Variants in SNTG1 observed in about 807,000 individuals in gnomAD.
SNTG1 encodes syntrophin gamma 1.
SNTG1 carries 39 observed loss-of-function variants against 74.7 expected under a neutral mutation model. The observed-to-expected ratio is 0.52, with a 90% confidence interval of 0.40 to 0.68. SNTG1 has a LOEUF of 0.68. Among genes scored for constraint, SNTG1 ranks in the 30% least tolerant of loss-of-function variants. The pLI, the probability that SNTG1 is intolerant of heterozygous loss-of-function variation, is 0.00. For synonymous variants in SNTG1, 254 were observed against 217.1 expected (o/e 1.17, Z -1.49); for missense variants, 685 against 609.5 (o/e 1.12, Z -1.30).
At chr8:50,779,769 C>A (rs2095653118) in intron 18 of SNTG1, among the ~76,000 whole-genome samples, 1 of 151,450 alleles carries the variant, frequency 6.6e-6, no homozygotes, top group South Asian at 2.1e-4. Flanking sequence ...AGAGGGCATC[C>A]TGTCTTGTGC....
intron 15 of SNTG1, among the ~76,000 whole-genome samples, chr8:50,686,450 T>G (rs1437753805): frequency 6.6e-6 from 1 of 152,186 alleles, no homozygotes; most frequent in Non-Finnish European, 1.5e-5. Flanking sequence ...TTGAAGAATA[T>G]GTCAATTTAT....
chr8:50,089,474 A>T (rs969780296), intron 1 of SNTG1, among the ~76,000 whole-genome samples: 109 of 151,924 alleles, frequency 7.2e-4, no homozygotes, highest in Non-Finnish European at 1.1e-3. Flanking sequence ...CAGGCAACCT[A>T]CAAAATGGGA....
At chr8:50,729,607 T>C (rs1287239002) in intron 17 of SNTG1, among the ~76,000 whole-genome samples, 2 of 152,054 alleles carry the variant, frequency 1.3e-5, no homozygotes, top group African/African-American at 2.4e-5. Context: ...TTTGCCTTTG[T>C]ATTGAGAACT....
chr8:50,269,622 C>T (rs2087669854), intron 2 of SNTG1, among the ~76,000 whole-genome samples: 1 of 152,126 alleles, frequency 6.6e-6, no homozygotes, highest in Non-Finnish European at 1.5e-5. Context: ...GTATGGTACT[C>T]ACATTGGTAC....
intron 18 of SNTG1, among the ~76,000 whole-genome samples, chr8:50,781,905 G>A (rs1179618779): frequency 6.6e-6 from 1 of 152,102 alleles, no homozygotes; most frequent in Non-Finnish European, 1.5e-5. Context: ...GCCTGGTGGT[G>A]ACAAAATCTC....
chr8:50,692,665 G>T (rs927892248), intron 15 of SNTG1, among the ~76,000 whole-genome samples: 10 of 152,166 alleles, frequency 6.6e-5, no homozygotes, highest in African/African-American at 2.2e-4. Context: ...ACCCTACTGG[G>T]GGGTGCCTCC....
At chr8:50,285,325 T>C (rs1453522818) in intron 2 of SNTG1, among the ~76,000 whole-genome samples, 1 of 152,168 alleles carries the variant, frequency 6.6e-6, no homozygotes, top group African/African-American at 2.4e-5. Flanking sequence ...ATTAAATACA[T>C]TATTTGCTAG....
intron 2 of SNTG1, among the ~76,000 whole-genome samples, chr8:50,369,660 G>A (rs1377545718): frequency 1.3e-5 from 2 of 151,248 alleles, no homozygotes; most frequent in Non-Finnish European, 2.9e-5. Flanking sequence ...ACCAAGTGAG[G>A]ACACAGCCAG....
intron 1 of SNTG1, among the ~76,000 whole-genome samples, chr8:49,991,380 T>G (rs1813673162): frequency 6.6e-6 from 1 of 152,176 alleles, no homozygotes; most frequent in South Asian, 2.1e-4. Context: ...GAAAACACTC[T>G]GGCCGTTCAT....
At chr8:50,726,405 C>T (rs1472587822) in intron 17 of SNTG1, among the ~76,000 whole-genome samples, 5 of 151,962 alleles carry the variant, frequency 3.3e-5, no homozygotes, top group Non-Finnish European at 4.4e-5. Flanking sequence ...ATGAACTGGC[C>T]GAAGTTGGGG....
intron 15 of SNTG1, among the ~76,000 whole-genome samples, chr8:50,683,074 C>G (rs2095337528): frequency 6.6e-6 from 1 of 152,118 alleles, no homozygotes; most frequent in Non-Finnish European, 1.5e-5. Flanking sequence ...TGGTCCCACT[C>G]AAACCAAAGC....
chr8:50,579,398 G>T (rs1207680203), intron 12 of SNTG1, among the ~76,000 whole-genome samples: 1 of 152,216 alleles, frequency 6.6e-6, no homozygotes, highest in African/African-American at 2.4e-5. Context: ...TTTCTAGGGT[G>T]ACATTCAAGT....
chr8:50,312,790 G>C (rs2090165918), intron 2 of SNTG1, among the ~76,000 whole-genome samples: 1 of 149,788 alleles, frequency 6.7e-6, no homozygotes, highest in South Asian at 2.2e-4. Flanking sequence ...CAACTATAAG[G>C]TTCTTCACTG....
At chr8:50,411,849 G>T (rs766976581) in intron 4 of SNTG1, among the ~76,000 whole-genome samples, 2 of 152,122 alleles carry the variant, frequency 1.3e-5, no homozygotes, top group Non-Finnish European at 2.9e-5. Context: ...GGTGGTGGCC[G>T]CAGTGGGATT....
At chr8:50,687,624 C>G (rs144274615) in intron 15 of SNTG1, among the ~76,000 whole-genome samples, 9,660 of 152,200 alleles carry the variant, frequency 0.063, 376 homozygotes, top group South Asian at 0.17. Flanking sequence ...ACAACGTGCA[C>G]GTTTGTTACA....
chr8:50,365,962 C>T (rs1353079147), intron 2 of SNTG1, among the ~76,000 whole-genome samples: 1 of 152,158 alleles, frequency 6.6e-6, no homozygotes, highest in Non-Finnish European at 1.5e-5. Flanking sequence ...CTAACCATTT[C>T]CTACTTTTCT....
intron 13 of SNTG1, among the ~76,000 whole-genome samples, chr8:50,599,615 T>G (rs1174662697): frequency 6.6e-6 from 1 of 152,098 alleles, no homozygotes; most frequent in African/African-American, 2.4e-5. Context: ...GGTTACAGTT[T>G]TGATTTCATT....
intron 2 of SNTG1, among the ~76,000 whole-genome samples, chr8:50,186,960 G>A (rs893058467): frequency 6.6e-6 from 1 of 151,958 alleles, no homozygotes; most frequent in African/African-American, 2.4e-5. Flanking sequence ...CTTTGCCCAC[G>A]CCTATTTCCT....
intron 2 of SNTG1, among the ~76,000 whole-genome samples, chr8:50,354,097 C>T (rs1009161450): frequency 2.6e-5 from 4 of 152,144 alleles, no homozygotes; most frequent in African/African-American, 9.7e-5. Flanking sequence ...AGCTCTGTGC[C>T]TTCTTGTCCA....
Sources: allele counts gnomAD v4.1 joint callset (sites outside exome capture counted in the v4.1 genomes callset), GRCh38; gene constraint gnomAD v4.1.1; transcripts MANE v1.5; gene names NCBI Gene and HGNC (gene_info 2026-07-23, HGNC 2026-07-21).